TMEM63A: variants seen among roughly 807,000 people sequenced by gnomAD.
TMEM63A encodes the protein transmembrane protein 63A, also known as mechanosensitive cation channel TMEM63A.
Under a neutral mutation model 100.6 loss-of-function variants are expected in TMEM63A, and 76 were observed. That is an observed-to-expected ratio of 0.76 (90% CI 0.63 to 0.91). TMEM63A has a LOEUF of 0.91. TMEM63A is among the 40% of genes least tolerant of loss of function. The probability of loss-of-function intolerance (pLI) is 0.00; values close to 1 mark genes in which losing one functional copy is unlikely to be tolerated. For missense variants in TMEM63A, 876 were observed against 1,008.8 expected (o/e 0.87, Z 1.78); for synonymous variants, 401 against 401.1 (o/e 1.00, Z 0.00).
intron 9 of TMEM63A, chr1:225,866,188 C>A (rs767578590): frequency 1.3e-4 from 76 of 570,072 alleles, no homozygotes; most frequent in Non-Finnish European, 1.8e-4. Flanking sequence ...ACTCTATGAG[C>A]CTTCTTTGCA....
chr1:225,850,002 T>C lies in TMEM63A; in HGVS notation c.1981A>G (p.Lys661Glu). The C allele has an allele frequency of 1.9e-6, 3 of 1,614,180 alleles. No individual in the cohort carries two copies. Among genetic ancestry groups the C allele is most frequent in the Non-Finnish European group, 2.5e-6 (3 of 1,180,042 alleles). The change falls in exon 21 of 25, where the codon AAG (lysine) becomes GAG (glutamate). Residue 661 changes from lysine (K) to glutamate (E), a missense_variant. Coordinates refer to ENST00000366835, the MANE Select transcript of TMEM63A (RefSeq NM_014698.3). ...TTCACAGCGGCAAAGTGGATCCCCT[T>C]CTCCAGCTTGGCTGGGAGGTAGACG... ...YFVYLPAKLE[K>E]GIHFAAVNQA... is the part of the protein sequence containing the mutation.
intron 23 of TMEM63A, 122 bp downstream of exon 23, chr1:225,848,370 T>C: frequency 9.9e-7 from 1 of 1,006,496 alleles, no homozygotes; most frequent in South Asian, 1.6e-5. Context: ...TTCACAAACT[T>C]GCCTGCCATG....
rs1376410988 is a variant in TMEM63A at position 225,866,559 on chromosome 1, T to A, written c.675+15A>T. The A allele has an allele frequency of 6.2e-7, 1 of 1,611,534 alleles. No individual in the cohort carries two copies. Among genetic ancestry groups the A allele is most frequent in the East Asian group, 2.2e-5 (1 of 44,838 alleles). On this transcript the variant is annotated intron_variant, in intron 9 of 24. Coordinates refer to ENST00000366835, the MANE Select transcript of TMEM63A (RefSeq NM_014698.3). ...GTCCCTCCCAGCACATGTCCCTAAG[T>A]CCCGCCTCACTCACCAGGTTCTCCT...
chr1:225,868,842 G>A (rs1670349641), intron 6 of TMEM63A, among the ~76,000 whole-genome samples: 1 of 152,150 alleles, frequency 6.6e-6, no homozygotes, highest in Non-Finnish European at 1.5e-5. Flanking sequence ...CCCCAGAGAT[G>A]GGGAGGTGAC....
Position 225,845,644 on chromosome 1 carries a change from T to G in TMEM63A, c.*1295A>C. The G allele has an allele frequency of 2.1e-6, 1 of 480,532 alleles. No individual in the cohort carries two copies. The highest frequency in any genetic ancestry group is 4.0e-5 in the East Asian group (1 of 24,794). The allele number at this position is 480,532 out of a possible 1,614,324, so 29.8% of individuals were successfully genotyped here. On this transcript the variant is annotated 3_prime_UTR_variant, in exon 25 of 25. Transcript: ENST00000366835. ...CAAGCAGAGCTGGCCGGCCCCTCCT[T>G]GCTGGCAGAGGCACGGGAGGCCTGC...
Position 225,852,826 on chromosome 1 carries a change from T to C in TMEM63A, c.1798-57A>G, listed in dbSNP as rs1669418816. The stretch of plus-strand genomic sequence containing the variant: ...ACTTGTTCCACCTCAAACACCCTTT[T>C]GTGCTCTCTAAGTGGTGATGGGAGA... On this transcript the variant is annotated intron_variant, in intron 19 of 24. Transcript: ENST00000366835. 1.0e-5 allele frequency: 15 copies of C among 1,507,008 alleles called. 1 individual carries two copies. The South Asian group carries it at 1.6e-4, about 16-fold the overall frequency. 93.4% of individuals were successfully genotyped at this position (1,507,008 alleles called of 1,614,324 possible).
chr1:225,878,482 C>T (rs1408572197), intron 2 of TMEM63A, among the ~76,000 whole-genome samples: 1 of 152,154 alleles, frequency 6.6e-6, no homozygotes, highest in African/African-American at 2.4e-5. Context: ...AACACTGCTC[C>T]AGGCTGGGTT....
At chr1:225,876,319 C>T (rs867576273) in intron 3 of TMEM63A, among the ~76,000 whole-genome samples, 11 of 151,932 alleles carry the variant, frequency 7.2e-5, no homozygotes, top group South Asian at 2.1e-4. Flanking sequence ...TCCTTGCTAC[C>T]CTAAGCCACC....
At chr1:225,874,204 A>T (rs1430456808) in intron 4 of TMEM63A, 84 bp downstream of exon 4, 1 of 1,304,566 alleles carries the variant, frequency 7.7e-7, no homozygotes, top group Non-Finnish European at 1.1e-6. Flanking sequence ...ATATATGCAC[A>T]CACGCACATA....
At chr1:225,843,796 C>G (rs144800721), downstream of TMEM63A, among the ~76,000 whole-genome samples, 10 of 152,322 alleles carry the variant, frequency 6.6e-5, no homozygotes, top group East Asian at 1.2e-3. Context: ...GGCCAACTTG[C>G]AGAAATCCAG....
chr1:225,862,627 G>T lies in TMEM63A; in HGVS notation c.828-49C>A. 6.2e-7 allele frequency: 1 copy of T among 1,602,830 alleles called. No individual in the cohort carries two copies. The highest frequency in any genetic ancestry group is 8.5e-7 in the Non-Finnish European group (1 of 1,172,914). ...CAAACCTCAGATTTAGAATCCTGTG[G>T]CAGGGACCCCCATACCCACAGTTCA... is the stretch of plus-strand genomic sequence containing the variant. On this transcript the variant is annotated intron_variant, in intron 11 of 24. Coordinates refer to ENST00000366835, the MANE Select transcript of TMEM63A (RefSeq NM_014698.3). This position sits in a 1 kb window ranked among gnomAD's most constrained non-coding sequence, Gnocchi z 5.1.
At chr1:225,859,410 G>A in intron 14 of TMEM63A, 61 bp from the exon 15 acceptor site, 2 of 1,596,906 alleles carry the variant, frequency 1.3e-6, no homozygotes, top group Non-Finnish European at 8.5e-7. Context: ...TGGCTTAGGT[G>A]GGTCAGAAGG....
intron 2 of TMEM63A, 100 bp from the exon 3 acceptor site, chr1:225,877,694 G>C: frequency 1.6e-6 from 2 of 1,232,974 alleles, no homozygotes; most frequent in African/African-American, 1.5e-5. Flanking sequence ...GTTTCCCAGG[G>C]ACTGATCGGG....
intron 6 of TMEM63A, among the ~76,000 whole-genome samples, chr1:225,869,620 A>C (rs1034007601): frequency 7.4e-5 from 11 of 149,134 alleles, no homozygotes; most frequent in Non-Finnish European, 1.5e-4. Context: ...TATAACCACC[A>C]CATTTCATCA....
intron 4 of TMEM63A, among the ~76,000 whole-genome samples, chr1:225,872,689 C>CTTTT (rs67884791): frequency 9.2e-5 from 8 of 87,060 alleles, no homozygotes; most frequent in East Asian, 3.1e-4. Flanking sequence ...TGCTTTTCTT[C>CTTTT]TTTTTTTTTT....
chr1:225,841,627 A>T (rs1668429710), downstream of TMEM63A, among the ~76,000 whole-genome samples: 5 of 127,706 alleles, frequency 3.9e-5, 1 homozygote, highest in South Asian at 1.3e-3. Context: ...TTTGAGACAG[A>T]GTCTTGCTCT....
chr1:225,845,912 G>A lies in TMEM63A; in HGVS notation c.*1027C>T, dbSNP rs1668946717. On this transcript the variant is annotated 3_prime_UTR_variant, in exon 25 of 25. Coordinates refer to ENST00000366835, the MANE Select transcript of TMEM63A (RefSeq NM_014698.3). Reference sequence around the variant, plus strand: ...CCCAGGCCAGTTGTGCTAGGAGCCTGGACCTGCTCTTCCACACCCCCATCC... The same window carrying A: ...CCCAGGCCAGTTGTGCTAGGAGCCTAGACCTGCTCTTCCACACCCCCATCC... 5.7e-6 allele frequency: 1 copy of A among 176,880 alleles called. No homozygotes were observed. The highest frequency in any genetic ancestry group is 1.2e-5 in the Non-Finnish European group (1 of 81,924). The allele number at this position is 176,880 out of a possible 1,614,324, so 11.0% of individuals were successfully genotyped here. A position where few individuals can be genotyped will look rare whatever the true frequency, so the allele number is the denominator to read the frequency against.
chr1:225,858,314 GTTTGT>G (rs1669742793), intron 15 of TMEM63A, among the ~76,000 whole-genome samples: 2 of 65,524 alleles, frequency 3.1e-5, no homozygotes, highest in Non-Finnish European at 3.6e-5. Flanking sequence ...ATACAGAATA[GTTTGT>G]TTTTTTTTTT....
chr1:225,857,376 C>CGGGGTGGGGGGGGTGGG (rs1213111924), intron 15 of TMEM63A, among the ~76,000 whole-genome samples: 1 of 3,270 alleles, frequency 3.1e-4, no homozygotes, highest in African/African-American at 6.2e-4. Context: ...GAGTCCTGGC[C>CGGGGTGGGGGGGGTGGG]GGCGGGGCGG....
Sources: gnomAD v4.1 joint callset for allele counts (sites outside exome capture counted in the v4.1 genomes callset) on GRCh38, gnomAD v4.1.1 for gene constraint, Gnocchi (gnomAD v3.1) non-coding constraint, MANE v1.5 for transcripts, NCBI Gene and HGNC (gene_info 2026-07-23, HGNC 2026-07-21) for gene names.